GALNTL6: variants seen among roughly 807,000 people sequenced by gnomAD.
GALNTL6 encodes the protein polypeptide N-acetylgalactosaminyltransferase-like 6.
A neutral mutation model predicts 73.7 loss-of-function variants in GALNTL6; 46 were observed. The observed-to-expected ratio is 0.62, with a 90% CI of 0.49 to 0.80. The LOEUF is 0.80. Ranked by LOEUF, GALNTL6 falls within the 30% of genes least tolerant of loss-of-function variation. GALNTL6 has a pLI of 0.00. For missense variants in GALNTL6, 604 were observed against 755.0 expected, an observed-to-expected ratio of 0.80 and a Z score of 2.34; for synonymous variants, 259 against 263.7, an observed-to-expected ratio of 0.98 and a Z score of 0.17.
At chr4:172,641,645 C>A (rs1228685841) in intron 5 of GALNTL6, among the ~76,000 whole-genome samples, 2 of 152,120 alleles carry the variant, frequency 1.3e-5, no homozygotes, top group African/African-American at 2.4e-5. Flanking sequence ...AAGCCCTGCC[C>A]ACCCTATCCC....
At position 171,963,569 on chromosome 4, in the gene GALNTL6, T is replaced by C. The variant is rs139186961; in HGVS notation, c.138+148851T>C. Reference sequence around the variant, plus strand: ...CCAATTTAACTATAGGGTAATGTCATTTTTAAACTAATTATTTAGTTCTCT... The same window carrying C: ...CCAATTTAACTATAGGGTAATGTCACTTTTAAACTAATTATTTAGTTCTCT... On this transcript the variant is annotated intron_variant, in intron 2 of 12. Transcript: ENST00000506823. 6.6e-3 allele frequency among the ~76,000 whole-genome samples: 1,010 copies of C among 152,292 alleles called. 17 individuals carry two copies. Among genetic ancestry groups the C allele is most frequent in the African/African-American group, 0.023 (964 of 41,564 alleles).
chr4:171,858,077 G>A (rs928992209), intron 2 of GALNTL6, among the ~76,000 whole-genome samples: 2 of 152,024 alleles, frequency 1.3e-5, no homozygotes, highest in Non-Finnish European at 1.5e-5. Flanking sequence ...AGATACTTGG[G>A]ATTTTGTTTT....
At chr4:172,562,679 C>T (rs1249261535) in intron 5 of GALNTL6, among the ~76,000 whole-genome samples, 4 of 152,338 alleles carry the variant, frequency 2.6e-5, no homozygotes, top group Non-Finnish European at 5.9e-5. Context: ...TCCTGCTGCT[C>T]CTGCAAACAA....
At chr4:171,866,618 C>T (rs1271398189) in intron 2 of GALNTL6, among the ~76,000 whole-genome samples, 2 of 152,116 alleles carry the variant, frequency 1.3e-5, no homozygotes, top group East Asian at 3.8e-4. Context: ...GTACCATAGA[C>T]CAGATGACTG....
intron 8 of GALNTL6, among the ~76,000 whole-genome samples, chr4:172,892,632 A>C: frequency 7.0e-6 from 1 of 143,414 alleles, no homozygotes. Context: ...TAACTGCTGC[A>C]TATGCCCTTA....
At chr4:172,763,325 T>C (rs1008714658) in intron 5 of GALNTL6, among the ~76,000 whole-genome samples, 4 of 152,216 alleles carry the variant, frequency 2.6e-5, no homozygotes, top group African/African-American at 9.6e-5. Flanking sequence ...TACCTGGCAT[T>C]TTCTTTCATT....
Position 173,021,439 on chromosome 4 carries a change from A to G in GALNTL6, c.1489-37A>G, listed in dbSNP as rs534778726. 166 of 1,611,218 alleles carry G rather than the reference A, an allele frequency of 1.0e-4. 2 individuals carry two copies. In the South Asian group the frequency reaches 1.8e-3, roughly 18 times the overall value. On this transcript the variant is annotated intron_variant, in intron 11 of 12. Coordinates refer to ENST00000506823, the MANE Select transcript of GALNTL6 (RefSeq NM_001034845.3). The stretch of plus-strand genomic sequence containing the variant: ...CCCTTGCATCTTCTCTCCAAAACAA[A>G]CTCACTGCAGCTTTTCTGCTACTGT...
chr4:172,229,628 T>A (rs747149986), intron 2 of GALNTL6, 28 bp from the exon 3 acceptor site: 2 of 1,464,264 alleles, frequency 1.4e-6, no homozygotes, highest in South Asian at 2.3e-5. Flanking sequence ...ACCTCCTTTT[T>A]ATGCTTGAAT....
At chr4:172,503,015 A>G (rs1042625036) in intron 5 of GALNTL6, among the ~76,000 whole-genome samples, 3 of 152,222 alleles carry the variant, frequency 2.0e-5, no homozygotes, top group Non-Finnish European at 2.9e-5. Flanking sequence ...ATTGCCACCT[A>G]CATAAATGGA....
At chr4:172,620,803 C>T (rs1264911234) in intron 5 of GALNTL6, among the ~76,000 whole-genome samples, 39 of 152,140 alleles carry the variant, frequency 2.6e-4, no homozygotes, top group Admixed American at 2.6e-3. Flanking sequence ...AAGTTAGCTG[C>T]AAATATCCAT....
chr4:172,291,365 C>T (rs1333274046), intron 3 of GALNTL6, among the ~76,000 whole-genome samples: 6 of 151,806 alleles, frequency 4.0e-5, no homozygotes, highest in African/African-American at 1.5e-4. Context: ...AGACAAAAAC[C>T]AAGTCTTTTG....
intron 5 of GALNTL6, among the ~76,000 whole-genome samples, chr4:172,719,538 A>T (rs1439649539): frequency 2.0e-5 from 3 of 152,200 alleles, no homozygotes; most frequent in Non-Finnish European, 2.9e-5. Context: ...ACACATTCTT[A>T]TAAAGATTTC....
At chr4:172,984,620 G>T (rs1169008983) in intron 10 of GALNTL6, among the ~76,000 whole-genome samples, 1 of 152,144 alleles carries the variant, frequency 6.6e-6, no homozygotes, top group Non-Finnish European at 1.5e-5. Flanking sequence ...CGAAAGGAGG[G>T]AGGGGGCGAG....
At chr4:172,565,282 T>G (rs1470160499) in intron 5 of GALNTL6, among the ~76,000 whole-genome samples, 1 of 152,216 alleles carries the variant, frequency 6.6e-6, no homozygotes, top group East Asian at 1.9e-4. Context: ...TTTTTTTGGA[T>G]AGTTTGTTGA....
intron 5 of GALNTL6, among the ~76,000 whole-genome samples, chr4:172,393,736 G>A (rs1743748972): frequency 2.6e-5 from 4 of 152,030 alleles, no homozygotes; most frequent in Non-Finnish European, 5.9e-5. Context: ...TGACTACTGG[G>A]CTTTATGTAA....
At chr4:172,609,230 T>C (rs1362670037) in intron 5 of GALNTL6, among the ~76,000 whole-genome samples, 1 of 152,116 alleles carries the variant, frequency 6.6e-6, no homozygotes, top group Non-Finnish European at 1.5e-5. Context: ...CCAGTTCTCA[T>C]AGGGAATATT....
chr4:172,312,096 G>A (rs1041176239), intron 4 of GALNTL6, among the ~76,000 whole-genome samples: 1 of 152,164 alleles, frequency 6.6e-6, no homozygotes, highest in African/African-American at 2.4e-5. Flanking sequence ...TACCAGAACT[G>A]TCTACATGTG....
intron 5 of GALNTL6, among the ~76,000 whole-genome samples, chr4:172,383,845 T>A (rs1743370855): frequency 6.6e-6 from 1 of 152,160 alleles, no homozygotes; most frequent in Non-Finnish European, 1.5e-5. Flanking sequence ...ATTTGTCAAA[T>A]ACTTTTCTAC....
Position 172,193,780 on chromosome 4 carries a change from G to A in GALNTL6, c.139-35876G>A, listed in dbSNP as rs71607874. ...TGGGAGGCTGAGGCAGGAGAATGGCGTGAACCCGGGAGGCGGAACTTGCAG... is the reference window on the plus strand; with the variant it reads ...TGGGAGGCTGAGGCAGGAGAATGGCATGAACCCGGGAGGCGGAACTTGCAG... On this transcript the variant is annotated intron_variant, in intron 2 of 12. Coordinates refer to ENST00000506823, the MANE Select transcript of GALNTL6 (RefSeq NM_001034845.3). Among the ~76,000 whole-genome samples the A allele has an allele frequency of 4.0e-3, 602 of 151,694 alleles. 3 individuals are homozygous for A. The highest frequency in any genetic ancestry group is 0.013 in the African/African-American group (532 of 41,328).
Sources: gnomAD v4.1 joint callset for allele counts (sites outside exome capture counted in the v4.1 genomes callset) on GRCh38, gnomAD v4.1.1 for gene constraint, MANE v1.5 for transcripts, NCBI Gene and HGNC (gene_info 2026-07-23, HGNC 2026-07-21) for gene names.